The following TLR8 variants were observed in gnomAD, a reference collection of about 807,000 sequenced individuals.
TLR8 encodes toll like receptor 8, also known as toll-like receptor 8.
In TLR8, 5 loss-of-function variants were observed where a neutral mutation model predicts 18.5. That is an observed-to-expected ratio of 0.27 (90% CI 0.14 to 0.57). TLR8 has a LOEUF of 0.57. TLR8 is among the 20% of genes least tolerant of loss of function. TLR8 has a pLI of 0.92. For synonymous variants in TLR8, 299 were observed against 300.1 expected, an observed-to-expected ratio of 1.00 and a Z score of 0.04; for missense variants, 543 against 769.8, an observed-to-expected ratio of 0.71 and a Z score of 3.49.
At position 12,919,076 on chromosome X, in the gene TLR8, C is replaced by T. The variant is rs755571537; in HGVS notation, c.36C>T (p.Thr12=). Reference sequence around the variant, plus strand: ...TGTTCCTTCAGTCGTCAATGCTGACCTGCATTTTCCTGCTAATATCTGGTT... The same window carrying T: ...TGTTCCTTCAGTCGTCAATGCTGACTTGCATTTTCCTGCTAATATCTGGTT... ...ENMFLQSSML[T]CIFLLISGSC... Residue 12 remains threonine (T), a synonymous_variant, in exon 2 of 2, where the codon ACC becomes ACT. Coordinates refer to ENST00000218032, the MANE Select transcript of TLR8 (RefSeq NM_138636.5). 8.3e-7 allele frequency: 1 copy of T among 1,207,431 alleles called. No homozygotes were observed.
rs763105912 is a variant in TLR8 at position 12,921,771 on chromosome X, A to G, written c.2731A>G (p.Lys911Glu). 15 of 1,210,056 alleles carry G rather than the reference A, an allele frequency of 1.2e-5. No homozygotes were observed. Among genetic ancestry groups the G allele is most frequent in the Middle Eastern group, 2.3e-4 (1 of 4,370 alleles). ...CTACCACCTTGAAGAGAGCCGAGAC[A>G]AAAACGTTCTCCTTTGTCTAGAGGA... ...LRYHLEESRD[K>E]NVLLCLEERD... The change falls in exon 2 of 2, where the codon AAA becomes GAA. Residue 911 changes from lysine to glutamate, a missense_variant. Around this residue, in one of 4 missense-constraint regions of TLR8, gnomAD observed 227 missense variants for 312.9 expected, o/e 0.73. Coordinates refer to ENST00000218032, the MANE Select transcript of TLR8 (RefSeq NM_138636.5).
In TLR8 at chrX:12,919,051, T is replaced by C; in HGVS notation, c.11T>C (p.Met4Thr). The C allele has an allele frequency of 1.7e-6, 2 of 1,197,757 alleles. No individual in the cohort carries two copies. Among genetic ancestry groups the C allele is most frequent in the Non-Finnish European group, 2.3e-6 (2 of 888,306 alleles). ...ACTTTTGATTTTCCTTAGGAAAACA[T>C]GTTCCTTCAGTCGTCAATGCTGACC... MENMFLQSSMLTCI... is the reference protein window; with the variant it reads MENTFLQSSMLTCI... The change falls in exon 2 of 2, where the codon ATG becomes ACG. Residue 4 changes from methionine (M) to threonine (T), a missense_variant. This residue lies in a region of TLR8 where 117 missense variants were observed against 111.0 expected (regional missense o/e 1.05). Transcript: ENST00000218032.
intron 1 of TLR8, chrX:12,910,537 A>C: frequency 1.0e-6 from 1 of 979,479 alleles, no homozygotes; most frequent in Non-Finnish European, 1.4e-6. Context: ...CTCACATGGC[A>C]GCGTCCCTAC....
chrX:12,921,713 C>T lies in TLR8; in HGVS notation c.2673C>T (p.Ala891=). Residue 891 remains alanine (A), a synonymous_variant, in exon 2 of 2, where the codon GCC becomes GCT. Transcript: ENST00000218032. ...DAYISYDTKD[A]SVTDWVINEL... is the part of the protein sequence containing the mutation. ...ACATTTCTTATGACACCAAAGATGC[C>T]TCTGTTACTGACTGGGTGATAAATG... 1 of 1,211,146 alleles carries T rather than the reference C, an allele frequency of 8.3e-7. No individual in the cohort carries two copies. Among genetic ancestry groups the T allele is most frequent in the Non-Finnish European group, 1.1e-6 (1 of 895,291 alleles).
intron 1 of TLR8, among the ~76,000 whole-genome samples, chrX:12,914,078 A>C (rs4830807): frequency 0.49 from 54,405 of 110,240 alleles, 10,064 homozygotes; most frequent in East Asian, 0.79. Context: ...CAGAGCAAAA[A>C]GCCTAGAAAT....
At position 12,920,457 on chromosome X, in the gene TLR8, C is replaced by T. The variant is rs2043086838; in HGVS notation, c.1417C>T (p.Pro473Ser). Reference sequence around the variant, plus strand: ...TTCGAACTTTTATCATTTCACCCGTCCTTTAATAAAGCCACAATGTGCTGC... The same window carrying T: ...TTCGAACTTTTATCATTTCACCCGTTCTTTAATAAAGCCACAATGTGCTGC... ...PHSNFYHFTR[P>S]LIKPQCAAYG... Residue 473 changes from proline (P) to serine (S), a missense_variant, in exon 2 of 2, where the codon CCT (proline) becomes TCT (serine). Physicochemically the swap from Pro to Ser is moderately conservative, Grantham distance 74. This residue lies in a region of TLR8 where 185 missense variants were observed against 298.9 expected (regional missense o/e 0.62). Coordinates refer to ENST00000218032, the MANE Select transcript of TLR8 (RefSeq NM_138636.5). 1 of 1,209,728 alleles carries T rather than the reference C, an allele frequency of 8.3e-7. No homozygotes were observed. The highest frequency in any genetic ancestry group is 1.8e-5 in the South Asian group (1 of 56,571).
intron 1 of TLR8, among the ~76,000 whole-genome samples, chrX:12,916,835 T>C (rs1362105072): frequency 9.0e-6 from 1 of 110,699 alleles, no homozygotes; most frequent in Non-Finnish European, 1.9e-5. Context: ...GATTGTCAGG[T>C]GATTTCAGTT....
intron 1 of TLR8, among the ~76,000 whole-genome samples, chrX:12,913,505 T>C (rs1249024880): frequency 3.5e-5 from 4 of 112,995 alleles, no homozygotes; most frequent in Non-Finnish European, 7.5e-5. Flanking sequence ...ATTTAATGAA[T>C]GAATGAATAT....
intron 1 of TLR8, among the ~76,000 whole-genome samples, chrX:12,910,808 G>A (rs1230989884): frequency 7.1e-5 from 8 of 112,429 alleles, no homozygotes; most frequent in Admixed American, 2.8e-4. Flanking sequence ...AGAATCTGCA[G>A]AAGAAAATTG....
intron 1 of TLR8, chrX:12,908,292 G>A (rs985583486): frequency 2.7e-5 from 3 of 112,226 alleles, no homozygotes; most frequent in Non-Finnish European, 3.8e-5. Context: ...AGTGAGCAAA[G>A]ATCGCACCAT....
chrX:12,913,754 G>A (rs1291824096), intron 1 of TLR8, among the ~76,000 whole-genome samples: 1 of 112,090 alleles, frequency 8.9e-6, no homozygotes, highest in East Asian at 2.8e-4. Flanking sequence ...AATTGTGATA[G>A]ATATTACACA....
At position 12,921,478 on chromosome X, in the gene TLR8, G is replaced by A; in HGVS notation, c.2438G>A (p.Ser813Asn). 1 of 1,211,640 alleles carries A rather than the reference G, an allele frequency of 8.3e-7. No homozygotes were observed. The highest frequency in any genetic ancestry group is 1.1e-6 in the Non-Finnish European group (1 of 895,287). The change falls in exon 2 of 2, where the codon AGT becomes AAT. Residue 813 changes from serine (S) to asparagine (N), a missense_variant. Around this residue, in one of 4 missense-constraint regions of TLR8, gnomAD observed 227 missense variants for 312.9 expected, o/e 0.73. Coordinates refer to ENST00000218032, the MANE Select transcript of TLR8 (RefSeq NM_138636.5). Reference protein sequence around the residue: ...CASPGDQRGKSIVSLELTTCV... With the variant: ...CASPGDQRGKNIVSLELTTCV... ...AGTCCTGGGGATCAAAGAGGGAAGA[G>A]TATTGTGAGTCTGGAGCTAACAACT...
At chrX:12,906,906 A>G (rs764507865) in intron 1 of TLR8, among the ~76,000 whole-genome samples, 197 bp downstream of exon 1, 19 of 112,653 alleles carry the variant, frequency 1.7e-4, no homozygotes, top group Non-Finnish European at 3.2e-4. Context: ...ACACGTTAGT[A>G]TAAAGGAATT....
chrX:12,906,664 C>A lies in TLR8; in HGVS notation c.-43C>A, dbSNP rs377043983. The A allele has an allele frequency of 2.8e-6, 3 of 1,089,390 alleles. No individual in the cohort carries two copies. Among genetic ancestry groups the A allele is most frequent in the Non-Finnish European group, 3.6e-6 (3 of 839,823 alleles). 89.8% of individuals were successfully genotyped at this position (1,089,390 alleles called of 1,213,427 possible). On this transcript the variant is annotated 5_prime_UTR_variant, in exon 1 of 2. Transcript: ENST00000218032. Reference sequence around the variant, plus strand: ...CTCCTGCATAGAGGGTACCATTCTGCGCTGCTGCAAGTTACGGAATGAAAA... The same window carrying A: ...CTCCTGCATAGAGGGTACCATTCTGAGCTGCTGCAAGTTACGGAATGAAAA...
At position 12,922,223 on chromosome X, in the gene TLR8, G is replaced by A. The variant is rs755924725; in HGVS notation, c.*57G>A. The A allele has an allele frequency of 6.4e-4, 718 of 1,130,184 alleles. No individual in the cohort carries two copies. Among genetic ancestry groups the A allele is most frequent in the Non-Finnish European group, 7.9e-4 (671 of 853,215 alleles). 93.1% of individuals were successfully genotyped at this position (1,130,184 alleles called of 1,213,427 possible). On this transcript the variant is annotated 3_prime_UTR_variant, in exon 2 of 2. Coordinates refer to ENST00000218032, the MANE Select transcript of TLR8 (RefSeq NM_138636.5). ...AAAGATGCAAAGGAATGACATTTCT[G>A]TATTAGTTATCTATTGCTATGTAAC...
chrX:12,921,530 A>G lies in TLR8; in HGVS notation c.2490A>G (p.Ile830Met). 1 of 1,211,698 alleles carries G rather than the reference A, an allele frequency of 8.3e-7. No homozygotes were observed. Among genetic ancestry groups the G allele is most frequent in the Non-Finnish European group, 1.1e-6 (1 of 895,416 alleles). Residue 830 changes from isoleucine (I) to methionine (M), a missense_variant, in exon 2 of 2, where the codon ATA becomes ATG. Ile to Met is a conservative substitution (Grantham distance 10, BLOSUM62 1). This residue lies in a region of TLR8 where 227 missense variants were observed against 312.9 expected (regional missense o/e 0.73). Coordinates refer to ENST00000218032, the MANE Select transcript of TLR8 (RefSeq NM_138636.5). The stretch of plus-strand genomic sequence containing the variant: ...GTGTTTCAGATGTCACTGCAGTGAT[A>G]TTATTTTTCTTCACGTTCTTTATCA... ...TTCVSDVTAVILFFFTFFITT... is the reference protein window; with the variant it reads ...TTCVSDVTAVMLFFFTFFITT...
rs757505743 is a variant in TLR8, at chrX:12,906,667, T to A, written c.-40T>A. The A allele has an allele frequency of 1.8e-6, 2 of 1,098,922 alleles. No homozygotes were observed. The highest frequency in any genetic ancestry group is 2.4e-6 in the Non-Finnish European group (2 of 845,058). 90.6% of individuals were successfully genotyped at this position (1,098,922 alleles called of 1,213,427 possible). On this transcript the variant is annotated 5_prime_UTR_variant, in exon 1 of 2. Transcript: ENST00000218032. The stretch of plus-strand genomic sequence containing the variant: ...CTGCATAGAGGGTACCATTCTGCGC[T>A]GCTGCAAGTTACGGAATGAAAAATT...
Position 12,921,389 on chromosome X carries a change from C to T in TLR8, c.2349C>T (p.Phe783=), listed in dbSNP as rs1318685686. Reference sequence around the variant, plus strand: ...AATGCACCTGTGACATTGGAGATTTCCGAAGATGGATGGATGAACATCTGA... The same window carrying T: ...AATGCACCTGTGACATTGGAGATTTTCGAAGATGGATGGATGAACATCTGA... ...PFECTCDIGD[F]RRWMDEHLNV... The change falls in exon 2 of 2, where the codon TTC becomes TTT. Residue 783 remains phenylalanine, a synonymous_variant. Coordinates refer to ENST00000218032, the MANE Select transcript of TLR8 (RefSeq NM_138636.5). The T allele has an allele frequency of 8.3e-7, 1 of 1,211,741 alleles. No homozygotes were observed. Among genetic ancestry groups the T allele is most frequent in the Admixed American group, 2.2e-5 (1 of 46,020 alleles).
At position 12,906,844 on chromosome X, in the gene TLR8, G is replaced by A. The variant is rs762690986; in HGVS notation, c.3+135G>A. On this transcript the variant is annotated intron_variant, in intron 1 of 1. Transcript: ENST00000218032. ...CAAATAAGGATAAAAATTAAAGATC[G>A]AAACAACTGTAAATGCAGGTAAAGC... 36 of 513,303 alleles carry A rather than the reference G, an allele frequency of 7.0e-5. No individual in the cohort carries two copies. The Middle Eastern group carries it at 1.5e-3, about 22-fold the overall frequency. 42.3% of individuals were successfully genotyped at this position (513,303 alleles called of 1,213,427 possible).
Sources: gnomAD v4.1 joint callset for allele counts (sites outside exome capture counted in the v4.1 genomes callset) on GRCh38, gnomAD v4.1.1 for gene constraint, gnomAD v4.1.1 regional missense constraint, MANE v1.5 for transcripts, NCBI Gene and HGNC (gene_info 2026-07-23, HGNC 2026-07-21) for gene names.